Variants in MTRR observed in about 807,000 individuals in gnomAD.
MTRR encodes the protein 5-methyltetrahydrofolate-homocysteine methyltransferase reductase.
A neutral mutation model predicts 79.2 loss-of-function variants in MTRR; 63 were observed. The observed-to-expected ratio is 0.80, with a 90% CI of 0.65 to 0.98. MTRR has a LOEUF of 0.98. Among genes scored for constraint, MTRR ranks in the 50% least tolerant of loss-of-function variants. The probability of loss-of-function intolerance (pLI) is 0.00; values close to 1 mark genes in which losing one functional copy is unlikely to be tolerated. For missense variants in MTRR, 895 were observed against 839.6 expected, an observed-to-expected ratio of 1.07 and a Z score of -0.82; for synonymous variants, 355 against 313.3, an observed-to-expected ratio of 1.13 and a Z score of -1.41.
chr5:7,873,088 T>C (rs1253076681), intron 2 of MTRR, among the ~76,000 whole-genome samples: 2 of 152,220 alleles, frequency 1.3e-5, no homozygotes, highest in African/African-American at 4.8e-5. Context: ...TGTCTGTGCC[T>C]GTCCCTGCCT....
chr5:7,859,502 CG>C, intron 1 of MTRR: 2 of 1,605,490 alleles, frequency 1.2e-6, no homozygotes, highest in Middle Eastern at 1.7e-4. Context: ...CACCAATTCA[CG>C]TCTTGATTTT....
upstream of MTRR, chr5:7,867,767 A>C: frequency 6.2e-7 from 1 of 1,614,236 alleles, no homozygotes; most frequent in South Asian, 1.1e-5. Context: ...CAAGTTGCTC[A>C]GTCTCCTGTA....
intron 12 of MTRR, among the ~76,000 whole-genome samples, chr5:7,896,197 C>T (rs1177396992): frequency 2.0e-5 from 3 of 152,154 alleles, no homozygotes; most frequent in Non-Finnish European, 2.9e-5. Flanking sequence ...TTGGTAGTGA[C>T]AGAGATCCAA....
At chr5:7,887,712 G>A (rs992640235) in intron 8 of MTRR, among the ~76,000 whole-genome samples, 2 of 146,062 alleles carry the variant, frequency 1.4e-5, no homozygotes, top group African/African-American at 5.0e-5. Context: ...TGTGTAAAGT[G>A]TGTGTGTATG....
chr5:7,899,540 A>G (rs1739131815), intron 14 of MTRR, among the ~76,000 whole-genome samples: 1 of 152,168 alleles, frequency 6.6e-6, no homozygotes, highest in South Asian at 2.1e-4. Context: ...TCCCTTCAGG[A>G]GCACGAGTCT....
chr5:7,865,875 C>A, upstream of MTRR: 1 of 1,577,770 alleles, frequency 6.3e-7, no homozygotes, highest in South Asian at 1.1e-5. Flanking sequence ...GGAAATAAAG[C>A]CACATATAGT....
intron 14 of MTRR, 69 bp downstream of exon 14, chr5:7,897,316 A>G: frequency 2.0e-6 from 3 of 1,498,744 alleles, no homozygotes; most frequent in East Asian, 4.5e-5. Flanking sequence ...GAAAAAAAGG[A>G]CCGAGAAGCC....
rs116143660 is a variant in MTRR at position 7,857,289 on chromosome 5, G to A, written n.392-4662G>A. ...CATTCAGATCACTTTTGTTTGTACA[G>A]GTATAGACATACCAATGAATTCATC... On this transcript the variant is annotated intron_variant and non_coding_transcript_variant, in intron 1 of 3. Coordinates refer to the MTRR transcript ENST00000502509. 7.1e-3 allele frequency among the ~76,000 whole-genome samples: 1,087 copies of A among 152,178 alleles called. 6 individuals are homozygous for A. The highest frequency in any genetic ancestry group is 1.0e-2 in the Non-Finnish European group (678 of 68,006).
At chr5:7,855,383 A>C (rs1164642083) in intron 1 of MTRR, among the ~76,000 whole-genome samples, 1 of 151,598 alleles carries the variant, frequency 6.6e-6, no homozygotes, top group Non-Finnish European at 1.5e-5. Context: ...GGATAAAATA[A>C]TATGATAGCT....
At chr5:7,866,015 G>T (rs199632455), upstream of MTRR, 1 of 1,517,308 alleles carries the variant, frequency 6.6e-7, no homozygotes, top group Non-Finnish European at 9.1e-7. Context: ...TCATAGTTAC[G>T]TCTGAATTGA....
intron 13 of MTRR, 40 bp from the exon 14 acceptor site, chr5:7,897,025 T>C (rs756243214): frequency 6.2e-7 from 1 of 1,613,088 alleles, no homozygotes; most frequent in Admixed American, 1.7e-5. Context: ...CTTTTTCAGC[T>C]TGACAACCTT....
upstream of MTRR, chr5:7,867,757 C>T: frequency 6.2e-7 from 1 of 1,614,196 alleles, no homozygotes; most frequent in Non-Finnish European, 8.5e-7. Flanking sequence ...CTGATGAAGT[C>T]AAGTTGCTCA....
intron 5 of MTRR, among the ~76,000 whole-genome samples, chr5:7,880,794 G>A (rs146538567): frequency 3.9e-5 from 6 of 152,144 alleles, no homozygotes; most frequent in East Asian, 3.9e-4. Flanking sequence ...GGGCCAGGAC[G>A]CCATTTACCG....
At chr5:7,867,372 G>T (rs200401694), upstream of MTRR, 10 of 1,614,142 alleles carry the variant, frequency 6.2e-6, no homozygotes, top group East Asian at 1.3e-4. Context: ...TTTATAATGA[G>T]TTCTAGTGTC....
chr5:7,870,918 G>A lies in MTRR; in HGVS notation c.124G>A (p.Asp42Asn), dbSNP rs767281477. The A allele has an allele frequency of 7.4e-6, 12 of 1,614,032 alleles. No individual in the cohort carries two copies. Among genetic ancestry groups the A allele is most frequent in the Admixed American group, 1.7e-5 (1 of 60,008 alleles). ...SADLHCISES[D>N]KYDLKTETAP... is the part of the protein sequence containing the mutation. ...AGATCTTCACTGTATTAGTGAATCC[G>A]ATAAGGTTAGAGCCGTTACAGTGGA... Residue 42 changes from aspartate to asparagine, a missense_variant, in exon 2 of 15, where the codon GAT becomes AAT. Coordinates refer to ENST00000440940, the MANE Select transcript of MTRR (RefSeq NM_002454.3).
chr5:7,856,855 G>C (rs949781922), intron 1 of MTRR: 18 of 148,114 alleles, frequency 1.2e-4, no homozygotes, highest in Admixed American at 9.4e-4. Flanking sequence ...ATGTACCCAA[G>C]CGACGCACAT....
chr5:7,876,874 T>C (rs1734653569), intron 4 of MTRR, among the ~76,000 whole-genome samples: 1 of 152,222 alleles, frequency 6.6e-6, no homozygotes, highest in Non-Finnish European at 1.5e-5. Flanking sequence ...ACGTTAGTTC[T>C]CCTCCTGGTT....
intron 1 of MTRR, among the ~76,000 whole-genome samples, chr5:7,858,074 C>T (rs2126582263): frequency 6.6e-6 from 1 of 152,320 alleles, no homozygotes; most frequent in African/African-American, 2.4e-5. Context: ...CCTCACACCA[C>T]ATTGCTGGGT....
At chr5:7,889,043 A>G (rs911216390) in intron 8 of MTRR, 52 bp from the exon 9 acceptor site, 26 of 1,608,164 alleles carry the variant, frequency 1.6e-5, no homozygotes, top group Non-Finnish European at 2.2e-5. Flanking sequence ...GAATATTCTA[A>G]TAGCTCTACC....
Sources: allele counts gnomAD v4.1 joint callset (sites outside exome capture counted in the v4.1 genomes callset), GRCh38; gene constraint gnomAD v4.1.1; transcripts MANE v1.5; gene names NCBI Gene and HGNC (gene_info 2026-07-23, HGNC 2026-07-21).